The following WNT3 variants were observed in gnomAD, a reference collection of about 807,000 sequenced individuals.
WNT3 encodes the protein proto-oncogene Wnt-3.
Under a neutral mutation model 34.2 loss-of-function variants are expected in WNT3, and 7 were observed. That is an observed-to-expected ratio of 0.20 (90% CI 0.12 to 0.38). The LOEUF (loss-of-function observed/expected upper bound fraction) is 0.38. WNT3 is among the 10% of genes least tolerant of loss of function. WNT3 has a pLI of 1.00. For missense variants in WNT3, 267 were observed against 499.8 expected (o/e 0.53, Z 4.44); for synonymous variants, 212 against 211.5 (o/e 1.00, Z -0.02).
intron 1 of WNT3, among the ~76,000 whole-genome samples, chr17:46,782,691 C>T (rs1416257482): frequency 1.3e-5 from 2 of 152,222 alleles, no homozygotes; most frequent in African/African-American, 4.8e-5. Flanking sequence ...CTGATGCACC[C>T]AACTACACCC....
At chr17:46,791,049 A>G (rs1415559495) in intron 1 of WNT3, among the ~76,000 whole-genome samples, 2 of 151,754 alleles carry the variant, frequency 1.3e-5, no homozygotes, top group African/African-American at 2.4e-5. Context: ...AGTGGGGTGT[A>G]TCTGTTTGTG....
chr17:46,775,312 G>C (rs1031995470), intron 1 of WNT3, among the ~76,000 whole-genome samples: 3 of 152,188 alleles, frequency 2.0e-5, no homozygotes, highest in Admixed American at 2.0e-4. Flanking sequence ...AGTGCCATGT[G>C]CCTTCCCCCG....
intron 1 of WNT3, among the ~76,000 whole-genome samples, chr17:46,777,623 A>G (rs947534320): frequency 1.6e-4 from 25 of 152,264 alleles, no homozygotes; most frequent in African/African-American, 6.0e-4. Flanking sequence ...GGCAATACTA[A>G]TGACAACTAT....
Position 46,774,435 on chromosome 17 carries a change from C to T in WNT3, c.81-526G>A, listed in dbSNP as rs550739723. Among the ~76,000 whole-genome samples the T allele has an allele frequency of 1.9e-3, 292 of 152,266 alleles. 1 individual carries two copies. Among genetic ancestry groups the T allele is most frequent in the African/African-American group, 6.5e-3 (270 of 41,580 alleles). On this transcript the variant is annotated intron_variant, in intron 1 of 4. Coordinates refer to ENST00000225512, the MANE Select transcript of WNT3 (RefSeq NM_030753.5). Reference sequence around the variant, plus strand: ...ATGGTGCCAGCCCAGCCCAGAGCCTCCCAGTATCTCCCCAAGGAATTGCTG... The same window carrying T: ...ATGGTGCCAGCCCAGCCCAGAGCCTTCCAGTATCTCCCCAAGGAATTGCTG...
At chr17:46,769,690 C>G in intron 3 of WNT3, 93 bp downstream of exon 3, 1 of 1,544,666 alleles carries the variant, frequency 6.5e-7, no homozygotes, top group East Asian at 2.3e-5. Context: ...ACCCACAGGG[C>G]TGCCGGAAGG....
intron 1 of WNT3, among the ~76,000 whole-genome samples, chr17:46,802,168 A>T (rs2084133411): frequency 6.6e-6 from 1 of 152,228 alleles, no homozygotes; most frequent in Non-Finnish European, 1.5e-5. Context: ...TTTGTATGCT[A>T]ATGAGCTGAC....
At chr17:46,799,046 CAAAAAA>C (rs35108068) in intron 1 of WNT3, among the ~76,000 whole-genome samples, 2 of 93,282 alleles carry the variant, frequency 2.1e-5, no homozygotes, top group African/African-American at 8.1e-5. Context: ...GACTCCGTCT[CAAAAAA>C]AAAAAAAAAA....
At chr17:46,799,884 G>A (rs2084102116) in intron 1 of WNT3, among the ~76,000 whole-genome samples, 1 of 152,152 alleles carries the variant, frequency 6.6e-6, no homozygotes, top group South Asian at 2.1e-4. Flanking sequence ...GCTATGAAGT[G>A]GACATCTGGG....
At chr17:46,790,522 AC>A (rs574656331) in intron 1 of WNT3, among the ~76,000 whole-genome samples, 18 of 152,032 alleles carry the variant, frequency 1.2e-4, no homozygotes, top group Middle Eastern at 3.4e-3. Context: ...CCACAGCCCC[AC>A]CCTGGGTCCA....
intron 1 of WNT3, among the ~76,000 whole-genome samples, chr17:46,780,167 A>G (rs1166690088): frequency 2.0e-5 from 3 of 152,232 alleles, no homozygotes; most frequent in African/African-American, 4.8e-5. Context: ...CACCCTGTAC[A>G]GTGCGTCCTG....
chr17:46,808,019 A>G (rs1272557499), intron 1 of WNT3, among the ~76,000 whole-genome samples: 1 of 152,266 alleles, frequency 6.6e-6, no homozygotes, highest in Non-Finnish European at 1.5e-5. Flanking sequence ...GATTCTGCCC[A>G]GCTGCTTTCT....
chr17:46,816,475 G>GCACGCACACACA (rs1475869479), intron 1 of WNT3, among the ~76,000 whole-genome samples: 21 of 144,364 alleles, frequency 1.5e-4, no homozygotes, highest in African/African-American at 5.1e-4. Context: ...CAGAACACAC[G>GCACGCACACACA]CACACACACA....
intron 4 of WNT3, among the ~76,000 whole-genome samples, chr17:46,765,864 G>A (rs1330301087): frequency 1.3e-5 from 2 of 152,230 alleles, no homozygotes; most frequent in Non-Finnish European, 2.9e-5. Flanking sequence ...GTTCACAAAT[G>A]AAGAAGCCAG....
At chr17:46,792,619 G>A (rs2146426172) in intron 1 of WNT3, among the ~76,000 whole-genome samples, 2 of 152,168 alleles carry the variant, frequency 1.3e-5, no homozygotes, top group East Asian at 3.9e-4. Flanking sequence ...GACTATAGGT[G>A]CATGCCACCA....
intron 1 of WNT3, among the ~76,000 whole-genome samples, chr17:46,808,978 C>T (rs1268022549): frequency 6.6e-6 from 1 of 152,172 alleles, no homozygotes; most frequent in Non-Finnish European, 1.5e-5. Flanking sequence ...GGGGTCCGAG[C>T]TGAGCAGCGC....
intron 1 of WNT3, among the ~76,000 whole-genome samples, chr17:46,806,471 A>G (rs2084198838): frequency 6.6e-6 from 1 of 152,066 alleles, no homozygotes; most frequent in South Asian, 2.1e-4. Flanking sequence ...TGTCCCCCAA[A>G]GTGCCGGGGT....
chr17:46,794,352 A>G (rs1949745375), intron 1 of WNT3, among the ~76,000 whole-genome samples: 1 of 152,158 alleles, frequency 6.6e-6, no homozygotes. Context: ...GTCACCATCT[A>G]TGGGGCTGAA....
chr17:46,777,607 G>C (rs535726983), intron 1 of WNT3, among the ~76,000 whole-genome samples: 1 of 152,260 alleles, frequency 6.6e-6, no homozygotes, highest in Non-Finnish European at 1.5e-5. Flanking sequence ...CAGTTACCCG[G>C]ATACTGGCAA....
chr17:46,816,140 C>T (rs1003155220), intron 1 of WNT3, among the ~76,000 whole-genome samples: 9 of 55,852 alleles, frequency 1.6e-4, no homozygotes, highest in Admixed American at 3.8e-4. Flanking sequence ...CTCACACACA[C>T]GCACGCACGC....
Sources: allele counts gnomAD v4.1 joint callset (sites outside exome capture counted in the v4.1 genomes callset), GRCh38; gene constraint gnomAD v4.1.1; transcripts MANE v1.5; gene names NCBI Gene and HGNC (gene_info 2026-07-23, HGNC 2026-07-21).